ZNF723: variants seen among roughly 807,000 people sequenced by gnomAD.
ZNF723 encodes the protein zinc finger protein 723, pseudogene.
A neutral mutation model predicts 9.4 loss-of-function variants in ZNF723; 5 were observed. The observed-to-expected ratio is 0.53, with a 90% confidence interval of 0.28 to 1.12. The LOEUF is 1.12. Ranked by LOEUF, ZNF723 falls within the 50% of genes most tolerant of loss-of-function variation. The pLI is 0.10. For synonymous variants in ZNF723, 158 were observed against 168.8 expected (o/e 0.94, Z 0.49); for missense variants, 450 against 501.5 (o/e 0.90, Z 0.98).
At chr19:22,845,877 GA>G in intron 1 of ZNF723, among the ~76,000 whole-genome samples, 1 of 133,496 alleles carries the variant, frequency 7.5e-6, no homozygotes, top group Non-Finnish European at 1.6e-5. Flanking sequence ...AGGAGATAGG[GA>G]AAAAATATGC....
chr19:22,841,265 A>G (rs1473414480), intron 1 of ZNF723, among the ~76,000 whole-genome samples: 4 of 152,206 alleles, frequency 2.6e-5, no homozygotes, highest in East Asian at 1.9e-4. Flanking sequence ...GTCATTGAAT[A>G]TAACCAATAA....
At chr19:22,826,926 A>G in the ZNF723 span, among the ~76,000 whole-genome samples, 3 of 152,368 alleles carry the variant, frequency 2.0e-5, no homozygotes, top group Admixed American at 1.3e-4. Flanking sequence ...GCCTCATAAT[A>G]TCAGAAACAG....
chr19:22,850,013 G>T (rs1002681280), intron 3 of ZNF723, among the ~76,000 whole-genome samples: 1 of 151,450 alleles, frequency 6.6e-6, no homozygotes, highest in Non-Finnish European at 1.5e-5. Flanking sequence ...TGTTCCATTT[G>T]TTTTTTCATT....
chr19:22,818,050 G>T, the ZNF723 span, among the ~76,000 whole-genome samples: 3 of 152,172 alleles, frequency 2.0e-5, no homozygotes, highest in Non-Finnish European at 4.4e-5. Context: ...AGTTGAGATG[G>T]TTATTCATTT....
chr19:22,849,419 A>C (rs996553783), intron 3 of ZNF723, 126 bp downstream of exon 3: 2 of 442,102 alleles, frequency 4.5e-6, no homozygotes, highest in African/African-American at 4.0e-5. Context: ...AAAGCCTGAG[A>C]GTTTAAAAAA....
Position 22,858,247 on chromosome 19 carries a change from C to G in ZNF723, c.1356C>G (p.Pro452=), listed in dbSNP as rs543944016. 12 of 1,344,720 alleles carry G rather than the reference C, an allele frequency of 8.9e-6. No individual in the cohort carries two copies. The highest frequency in any genetic ancestry group is 8.6e-5 in the African/African-American group (6 of 69,672). The allele number at this position is 1,344,720 out of a possible 1,614,324, so 83.3% of individuals were successfully genotyped here. A position where few individuals can be genotyped will look rare whatever the true frequency, so the allele number is the denominator to read the frequency against. ...KHKIIHTKEK[P]YKCEECGKAF... is the part of the protein sequence containing the mutation. ...AGATAATTCATACTAAAGAGAAACC[C>G]TACAAATGTGAAGAATGTGGCAAAG... Residue 452 remains proline, a synonymous_variant, in exon 4 of 4, where the codon CCC becomes CCG. Transcript: ENST00000600766.
the ZNF723 span, among the ~76,000 whole-genome samples, chr19:22,822,216 CA>C: frequency 1.3e-5 from 2 of 152,192 alleles, no homozygotes; most frequent in African/African-American, 4.8e-5. Flanking sequence ...CATACCAAGC[CA>C]ACAATTAGGA....
intron 1 of ZNF723, among the ~76,000 whole-genome samples, chr19:22,832,782 T>C (rs1967114205): frequency 6.6e-6 from 1 of 152,176 alleles, no homozygotes; most frequent in African/African-American, 2.4e-5. Flanking sequence ...TTTATGGGAG[T>C]CATCGCAAAA....
the ZNF723 span, among the ~76,000 whole-genome samples, chr19:22,818,059 T>A: frequency 6.6e-6 from 1 of 152,208 alleles, no homozygotes; most frequent in Non-Finnish European, 1.5e-5. Context: ...GGTTATTCAT[T>A]TCTAAACCTA....
Position 22,857,642 on chromosome 19 carries a change from C to A in ZNF723, c.751C>A (p.His251Asn), listed in dbSNP as rs1367698450. 3.9e-5 allele frequency: 49 copies of A among 1,272,430 alleles called. No homozygotes were observed. In the East Asian group the frequency reaches 1.0e-3, roughly 27 times the overall value. 78.8% of individuals were successfully genotyped at this position (1,272,430 alleles called of 1,614,324 possible). A position where few individuals can be genotyped will look rare whatever the true frequency, so the allele number is the denominator to read the frequency against. Residue 251 changes from histidine to asparagine, a missense_variant, in exon 4 of 4, where the codon CAT becomes AAT. This residue lies in a region of ZNF723 where 237 missense variants were observed against 332.2 expected (regional missense o/e 0.71). Transcript: ENST00000600766. ...SSSLNNHKRIHTGEKPYKCEE... is the reference protein window; with the variant it reads ...SSSLNNHKRINTGEKPYKCEE... ...AAGCCTTAATAATCATAAGAGAATT[C>A]ATACTGGAGAGAAACCCTACAAATG...
chr19:22,812,949 G>GTTTT, the ZNF723 span, among the ~76,000 whole-genome samples: 437 of 125,354 alleles, frequency 3.5e-3, 2 homozygotes, highest in African/African-American at 0.012. Flanking sequence ...TATAGAAGGT[G>GTTTT]TTTTTTTTGT....
intron 3 of ZNF723, among the ~76,000 whole-genome samples, chr19:22,851,122 A>G (rs989681426): frequency 1.3e-5 from 2 of 151,950 alleles, no homozygotes; most frequent in African/African-American, 4.8e-5. Flanking sequence ...AGAATTCTAT[A>G]TGTGTCTCTA....
intron 1 of ZNF723, among the ~76,000 whole-genome samples, chr19:22,833,644 C>G (rs1463929219): frequency 6.6e-6 from 1 of 151,920 alleles, no homozygotes; most frequent in South Asian, 2.1e-4. Flanking sequence ...GAGTCTCACT[C>G]TGTTGCCCAG....
At chr19:22,848,643 T>C (rs1469227202) in intron 2 of ZNF723, among the ~76,000 whole-genome samples, 1 of 152,168 alleles carries the variant, frequency 6.6e-6, no homozygotes, top group Non-Finnish European at 1.5e-5. Flanking sequence ...TTTCAAAATT[T>C]AGTGACATAA....
At chr19:22,821,582 A>T in the ZNF723 span, among the ~76,000 whole-genome samples, 1 of 152,138 alleles carries the variant, frequency 6.6e-6, no homozygotes, top group Non-Finnish European at 1.5e-5. Flanking sequence ...CTGCCCACAG[A>T]GTGGACATTG....
chr19:22,836,566 A>G (rs425875), intron 1 of ZNF723, among the ~76,000 whole-genome samples: 4,328 of 152,242 alleles, frequency 0.028, 109 homozygotes, highest in Non-Finnish European at 0.042. Flanking sequence ...ATCACAGAAT[A>G]TTTTATCCTG....
intron 1 of ZNF723, among the ~76,000 whole-genome samples, chr19:22,837,623 T>A (rs1967183405): frequency 6.6e-6 from 1 of 152,128 alleles, no homozygotes; most frequent in Non-Finnish European, 1.5e-5. Context: ...CCAGATCTCC[T>A]CTTAGGGTGA....
the ZNF723 span, among the ~76,000 whole-genome samples, chr19:22,816,413 G>A: frequency 6.6e-6 from 1 of 152,188 alleles, no homozygotes; most frequent in Admixed American, 6.5e-5. Context: ...CTTCACTAAA[G>A]GGACACTGTC....
At chr19:22,826,779 TA>T in the ZNF723 span, among the ~76,000 whole-genome samples, 2 of 152,128 alleles carry the variant, frequency 1.3e-5, no homozygotes, top group Non-Finnish European at 2.9e-5. Context: ...ACAACAGAAA[TA>T]AAAAAGGTAT....
Sources: allele counts gnomAD v4.1 joint callset (sites outside exome capture counted in the v4.1 genomes callset), GRCh38; gene constraint gnomAD v4.1.1; regional missense constraint gnomAD v4.1.1; transcripts MANE v1.5; gene names NCBI Gene and HGNC (gene_info 2026-07-23, HGNC 2026-07-21).